ARHGAP44: variants seen among roughly 807,000 people sequenced by gnomAD.
ARHGAP44 encodes the protein Rho GTPase activating protein 44.
In ARHGAP44, 43 loss-of-function variants were observed where a neutral mutation model predicts 106.8. The ratio of observed to expected loss-of-function variants is 0.40; its 90% CI spans 0.32 to 0.52. ARHGAP44 has a LOEUF of 0.52. Among genes scored for constraint, ARHGAP44 ranks in the 20% least tolerant of loss-of-function variants. The pLI is 0.48. For missense variants in ARHGAP44, 866 were observed against 1,050.5 expected (o/e 0.82, Z 2.43); for synonymous variants, 439 against 410.3 (o/e 1.07, Z -0.85).
chr17:12,921,403 G>A (rs181388145), intron 6 of ARHGAP44, among the ~76,000 whole-genome samples: 130 of 152,180 alleles, frequency 8.5e-4, no homozygotes, highest in African/African-American at 3.1e-3. Context: ...TGGAGTGCAG[G>A]GATGTGATCA....
At chr17:12,825,965 G>A (rs1045270268) in intron 1 of ARHGAP44, among the ~76,000 whole-genome samples, 6 of 152,162 alleles carry the variant, frequency 3.9e-5, no homozygotes, top group Non-Finnish European at 7.3e-5. Flanking sequence ...TGGCTATAAG[G>A]ACTGTTCTTT....
chr17:12,819,918 G>C (rs1304582211), intron 1 of ARHGAP44, among the ~76,000 whole-genome samples: 1 of 152,006 alleles, frequency 6.6e-6, no homozygotes, highest in Admixed American at 6.6e-5. Context: ...TTTTGACCAA[G>C]TTCAAGTTAT....
chr17:12,909,085 T>TG (rs1425805532), intron 4 of ARHGAP44, 112 bp downstream of exon 4: 1 of 903,188 alleles, frequency 1.1e-6, no homozygotes, highest in Admixed American at 2.9e-5. Flanking sequence ...GGGACTTTAG[T>TG]GGAAAAAAGG....
At chr17:12,960,257 TTTTTG>T (rs142385280) in intron 16 of ARHGAP44, among the ~76,000 whole-genome samples, 1 of 152,112 alleles carries the variant, frequency 6.6e-6, no homozygotes, top group African/African-American at 2.4e-5. Context: ...ATGTCTTTCT[TTTTTG>T]TTTTGTTTTG....
chr17:12,799,567 A>G (rs911508273), intron 1 of ARHGAP44, among the ~76,000 whole-genome samples: 4 of 152,292 alleles, frequency 2.6e-5, no homozygotes, highest in African/African-American at 7.2e-5. Flanking sequence ...TTCCCTGGAT[A>G]TGACTGGAGA....
intron 16 of ARHGAP44, among the ~76,000 whole-genome samples, chr17:12,966,712 C>G (rs1400700340): frequency 6.6e-6 from 1 of 152,194 alleles, no homozygotes; most frequent in African/African-American, 2.4e-5. Flanking sequence ...TTTCCCTGCC[C>G]CCTCTTTCTT....
At chr17:12,945,813 G>T (rs543383560) in intron 10 of ARHGAP44, among the ~76,000 whole-genome samples, 3 of 152,294 alleles carry the variant, frequency 2.0e-5, no homozygotes, top group Non-Finnish European at 4.4e-5. Flanking sequence ...ATGAGACAGG[G>T]TCTTGCTCTG....
At chr17:12,869,247 C>T (rs567884298) in intron 1 of ARHGAP44, among the ~76,000 whole-genome samples, 2 of 151,992 alleles carry the variant, frequency 1.3e-5, no homozygotes, top group South Asian at 2.1e-4. Context: ...CATTTTAGGA[C>T]GAAGGAAAAG....
intron 1 of ARHGAP44, among the ~76,000 whole-genome samples, chr17:12,888,709 G>A (rs9906126): frequency 0.2 from 29,909 of 152,028 alleles, 3,678 homozygotes; most frequent in East Asian, 0.44. Context: ...CTATAGTTGT[G>A]TATTTGTCTA....
At chr17:12,808,981 A>G (rs530934515) in intron 1 of ARHGAP44, among the ~76,000 whole-genome samples, 1 of 152,354 alleles carries the variant, frequency 6.6e-6, no homozygotes, top group East Asian at 1.9e-4. Flanking sequence ...TTTGCTGCTT[A>G]GAAATTTATT....
At chr17:12,902,296 C>T (rs1045764559) in intron 3 of ARHGAP44, among the ~76,000 whole-genome samples, 3 of 152,114 alleles carry the variant, frequency 2.0e-5, no homozygotes, top group East Asian at 1.9e-4. Context: ...CTCTATCCTC[C>T]GCAGGGAATG....
intron 4 of ARHGAP44, among the ~76,000 whole-genome samples, chr17:12,913,314 T>A (rs1183289498): frequency 6.6e-6 from 1 of 152,128 alleles, no homozygotes; most frequent in East Asian, 1.9e-4. Flanking sequence ...CAGAGTATTT[T>A]GAATTCGATT....
At chr17:12,791,060 G>A (rs1006714319) in intron 1 of ARHGAP44, among the ~76,000 whole-genome samples, 1 of 152,114 alleles carries the variant, frequency 6.6e-6, no homozygotes, top group Non-Finnish European at 1.5e-5. Context: ...CATCCCTGGG[G>A]AATAGGGGAC....
intron 1 of ARHGAP44, among the ~76,000 whole-genome samples, chr17:12,886,113 G>C (rs1442850242): frequency 6.6e-6 from 1 of 152,034 alleles, no homozygotes; most frequent in Admixed American, 6.6e-5. Flanking sequence ...CCATTGAATT[G>C]CCTTTGTGCC....
chr17:12,897,793 G>A (rs2037257781), intron 3 of ARHGAP44, among the ~76,000 whole-genome samples: 1 of 150,560 alleles, frequency 6.6e-6, no homozygotes, highest in South Asian at 2.1e-4. Context: ...GGTATCGGGA[G>A]TATCATCTGA....
chr17:12,810,229 TG>T (rs1336800545), intron 1 of ARHGAP44, among the ~76,000 whole-genome samples: 5 of 152,162 alleles, frequency 3.3e-5, no homozygotes, highest in African/African-American at 1.2e-4. Flanking sequence ...ACAAACTGGG[TG>T]GCTTAAAACA....
chr17:12,905,053 C>G (rs925375534), intron 3 of ARHGAP44, among the ~76,000 whole-genome samples: 5 of 151,294 alleles, frequency 3.3e-5, no homozygotes, highest in African/African-American at 4.9e-5. Flanking sequence ...AGGGGCGTGC[C>G]ACCACACTTG....
At chr17:12,909,284 C>T (rs1241128058) in intron 4 of ARHGAP44, among the ~76,000 whole-genome samples, 1 of 152,090 alleles carries the variant, frequency 6.6e-6, no homozygotes, top group African/African-American at 2.4e-5. Context: ...CTCAGAAAAG[C>T]AGCCTTTGCC....
chr17:12,883,740 G>T (rs538721291), intron 1 of ARHGAP44, among the ~76,000 whole-genome samples: 1 of 152,222 alleles, frequency 6.6e-6, no homozygotes, highest in South Asian at 2.1e-4. Context: ...TATTTGTTGA[G>T]ATGTGCTTTA....
Sources: gnomAD v4.1 joint callset for allele counts (sites outside exome capture counted in the v4.1 genomes callset) on GRCh38, gnomAD v4.1.1 for gene constraint, MANE v1.5 for transcripts, NCBI Gene and HGNC (gene_info 2026-07-23, HGNC 2026-07-21) for gene names.